The following SPEG variants were observed in gnomAD, a reference collection of about 807,000 sequenced individuals.
SPEG encodes striated muscle preferentially expressed protein kinase.
Under a neutral mutation model 300.4 loss-of-function variants are expected in SPEG, and 114 were observed. That is an observed-to-expected ratio of 0.38 (90% CI 0.33 to 0.44). SPEG has a LOEUF of 0.44. SPEG is among the 20% of genes least tolerant of loss of function. The probability of loss-of-function intolerance (pLI) is 1.00; values close to 1 mark genes in which losing one functional copy is unlikely to be tolerated. For missense variants in SPEG, 4,201 were observed against 4,586.2 expected, an observed-to-expected ratio of 0.92 and a Z score of 2.43; for synonymous variants, 1,964 against 2,018.9, an observed-to-expected ratio of 0.97 and a Z score of 0.73.
intron 1 of SPEG, chr2:219,442,047 C>T (rs1443885450): frequency 8.5e-6 from 10 of 1,179,230 alleles, no homozygotes; most frequent in African/African-American, 1.6e-5. Flanking sequence ...CCCCCTCCCC[C>T]GCCATGAAGA....
rs768969009 is a variant in SPEG at position 219,444,100 on chromosome 2, C to G, written c.389-553C>G. 6.0e-6 allele frequency: 8 copies of G among 1,333,246 alleles called. No individual in the cohort carries two copies. The South Asian group carries it at 8.3e-5, about 14-fold the overall frequency. 82.6% of individuals were successfully genotyped at this position (1,333,246 alleles called of 1,614,324 possible). The stretch of plus-strand genomic sequence containing the variant: ...CTGCTCTAGCCCCCCGCATCCCCCC[C>G]TTTCCCACCCGGCCCCGGCCTCTCC... On this transcript the variant is annotated intron_variant, in intron 1 of 40. Coordinates refer to ENST00000312358, the MANE Select transcript of SPEG (RefSeq NM_005876.5). The surrounding 1 kb of genome is among the most constrained non-coding windows in gnomAD (Gnocchi z 7.8).
intron 6 of SPEG, among the ~76,000 whole-genome samples, chr2:219,453,870 C>T (rs1456288033): frequency 1.3e-5 from 2 of 152,136 alleles, no homozygotes; most frequent in Non-Finnish European, 2.9e-5. Context: ...GTGGGTGGAA[C>T]CTGGGGATGG....
At chr2:219,466,494 G>T in intron 9 of SPEG, 1 of 1,131,476 alleles carries the variant, frequency 8.8e-7, no homozygotes. Context: ...GAGTGGGAGA[G>T]ATTACGGCAT....
rs1954809287 is a variant in SPEG, at chr2:219,439,760, C to T, written c.388+4395C>T. ...AGAATCCTGCCGGCCCCTCCTGGGC[C>T]CAGCTGTCCCGTCACTCACGCCCGC... On this transcript the variant is annotated intron_variant, in intron 1 of 40. Transcript: ENST00000312358. The surrounding 1 kb of genome is among the most constrained non-coding windows in gnomAD (Gnocchi z 4.5). 6.6e-6 allele frequency among the ~76,000 whole-genome samples: 1 copy of T among 152,274 alleles called. No homozygotes were observed. The highest frequency in any genetic ancestry group is 2.4e-5 in the African/African-American group (1 of 41,558).
At chr2:219,437,586 A>C (rs1191890195) in intron 1 of SPEG, among the ~76,000 whole-genome samples, 2 of 152,024 alleles carry the variant, frequency 1.3e-5, no homozygotes, top group Non-Finnish European at 2.9e-5. Flanking sequence ...GCAGCAAATA[A>C]CCTTTGAGAA....
In SPEG at chr2:219,493,022, G is replaced by A. The variant is rs1219695355; in HGVS notation, c.*236G>A. 3 of 699,428 alleles carry A rather than the reference G, an allele frequency of 4.3e-6. No individual in the cohort carries two copies. Among genetic ancestry groups the A allele is most frequent in the African/African-American group, 1.7e-5 (1 of 57,320 alleles). 43.3% of individuals were successfully genotyped at this position (699,428 alleles called of 1,614,324 possible). On this transcript the variant is annotated 3_prime_UTR_variant, in exon 41 of 41. Coordinates refer to ENST00000312358, the MANE Select transcript of SPEG (RefSeq NM_005876.5). ...ACCCATTGGTCAGGCTCAGCAGGGT[G>A]GGAACAGGCAGAGGGACAAGAGGGG...
Position 219,444,764 on chromosome 2 carries a change from A to T in SPEG, c.478+22A>T. The stretch of plus-strand genomic sequence containing the variant: ...ACGGGTGAGCTCCTGGGGTGTACAA[A>T]GAGCAGGCAGGCGGGTTTTCCATAA... On this transcript the variant is annotated intron_variant, in intron 2 of 40. Transcript: ENST00000312358. The surrounding 1 kb of genome is among the most constrained non-coding windows in gnomAD (Gnocchi z 7.8). 6.2e-7 allele frequency: 1 copy of T among 1,613,230 alleles called. No individual in the cohort carries two copies. Among genetic ancestry groups the T allele is most frequent in the South Asian group, 1.1e-5 (1 of 91,018 alleles).
chr2:219,441,165 G>A (rs1328662097), intron 1 of SPEG, among the ~76,000 whole-genome samples: 2 of 152,212 alleles, frequency 1.3e-5, no homozygotes, highest in Non-Finnish European at 2.9e-5. Flanking sequence ...TTTTGTGTAT[G>A]CAAAGTGTGC....
At chr2:219,466,230 G>A in intron 9 of SPEG, 1 of 1,448,432 alleles carries the variant, frequency 6.9e-7, no homozygotes, top group Admixed American at 2.6e-5. Context: ...CCCCCAGGGG[G>A]ATAGCCCATG....
At chr2:219,454,156 C>T (rs1689989790) in intron 6 of SPEG, among the ~76,000 whole-genome samples, 1 of 152,206 alleles carries the variant, frequency 6.6e-6, no homozygotes, top group Non-Finnish European at 1.5e-5. Context: ...CCAACAGGGC[C>T]TGCTTTTGAG....
At chr2:219,463,711 T>C (rs1690972626) in intron 8 of SPEG, among the ~76,000 whole-genome samples, 1 of 151,486 alleles carries the variant, frequency 6.6e-6, no homozygotes, top group Non-Finnish European at 1.5e-5. Context: ...CAGCCCCCAC[T>C]GTGATTTTTT....
Position 219,464,906 on chromosome 2 carries a change from G to A in SPEG, c.2881+298G>A, listed in dbSNP as rs988308779. On this transcript the variant is annotated intron_variant, in intron 9 of 40. Transcript: ENST00000312358. This position sits in a 1 kb window ranked among gnomAD's most constrained non-coding sequence, Gnocchi z 4.5. ...AGACCCTGCACCTGCCACTGGCCAA[G>A]CTCTCTCTACACTCTTCTGAGCCTT... is the stretch of plus-strand genomic sequence containing the variant. The A allele has an allele frequency of 7.7e-6, 3 of 388,864 alleles. No individual in the cohort carries two copies. Among genetic ancestry groups the A allele is most frequent in the African/African-American group, 6.2e-5 (3 of 48,624 alleles). The allele number at this position is 388,864 out of a possible 1,614,324, so 24.1% of individuals were successfully genotyped here. A position where few individuals can be genotyped will look rare whatever the true frequency, so the allele number is the denominator to read the frequency against.
At position 219,490,721 on chromosome 2, in the gene SPEG, C is replaced by T. The variant is rs376081911; in HGVS notation, c.9162-12C>T. ...GGGCCGGGTATCATCTGCTCCATCC[C>T]TGCCCTCCCAGGTTCCGGTATTCTG... On this transcript the variant is annotated splice_polypyrimidine_tract_variant and intron_variant, in intron 37 of 40. Transcript: ENST00000312358. The T allele has an allele frequency of 1.8e-4, 294 of 1,613,838 alleles. No individual in the cohort carries two copies. In the African/African-American group the frequency reaches 3.1e-3, roughly 17 times the overall value.
chr2:219,489,452 C>G lies in SPEG; in HGVS notation c.8434C>G (p.Pro2812Ala). Residue 2812 changes from proline to alanine, a missense_variant, in exon 36 of 41, where the codon CCC becomes GCC. Pro to Ala is a conservative substitution (Grantham distance 27). Around this residue, in one of 4 missense-constraint regions of SPEG, gnomAD observed 1,578 missense variants for 1,506.0 expected, o/e 1.05. Transcript: ENST00000312358. ...SLAPPLAPAAPTPPSVTVSPS... is the reference protein window; with the variant it reads ...SLAPPLAPAAATPPSVTVSPS... ...GGCCCCACCCCTAGCTCCTGCTGCC[C>G]CCACACCCCCGTCAGTCACTGTCAG... is the stretch of plus-strand genomic sequence containing the variant. The G allele has an allele frequency of 6.2e-7, 1 of 1,612,528 alleles. No individual in the cohort carries two copies. Among genetic ancestry groups the G allele is most frequent in the Non-Finnish European group, 8.5e-7 (1 of 1,179,310 alleles).
rs763714914 is a variant in SPEG, at chr2:219,434,966, C to A, written c.-12C>A. 138 of 1,501,756 alleles carry A rather than the reference C, an allele frequency of 9.2e-5. No homozygotes were observed. The highest frequency in any genetic ancestry group is 1.2e-4 in the Non-Finnish European group (137 of 1,133,296). The allele number at this position is 1,501,756 out of a possible 1,614,324, so 93.0% of individuals were successfully genotyped here. ...CAGTTCCGGCGTCCCCCCAGCCCAGCTCTCAGTGGCCATGCAGAAAGCCCG... is the reference window on the plus strand; with the variant it reads ...CAGTTCCGGCGTCCCCCCAGCCCAGATCTCAGTGGCCATGCAGAAAGCCCG... On this transcript the variant is annotated 5_prime_UTR_variant, in exon 1 of 41. Coordinates refer to ENST00000312358, the MANE Select transcript of SPEG (RefSeq NM_005876.5).
rs1692600837 is a variant in SPEG, at chr2:219,479,116, G to T, written c.5028-28G>T. 2 of 1,609,912 alleles carry T rather than the reference G, an allele frequency of 1.2e-6. No individual in the cohort carries two copies. Among genetic ancestry groups the T allele is most frequent in the African/African-American group, 2.7e-5 (2 of 74,848 alleles). Reference sequence around the variant, plus strand: ...GGCTGGGCCGGGCAGTTGGCACTGGGCACTGTTCTCCTTGATCTGGGATGT... The same window carrying T: ...GGCTGGGCCGGGCAGTTGGCACTGGTCACTGTTCTCCTTGATCTGGGATGT... On this transcript the variant is annotated intron_variant, in intron 22 of 40. Coordinates refer to ENST00000312358, the MANE Select transcript of SPEG (RefSeq NM_005876.5). This position sits in a 1 kb window ranked among gnomAD's most constrained non-coding sequence, Gnocchi z 5.5.
Position 219,483,302 on chromosome 2 carries a change from C to A in SPEG, c.5839C>A (p.Arg1947=). 1.9e-6 allele frequency: 3 copies of A among 1,606,242 alleles called. No homozygotes were observed. The highest frequency in any genetic ancestry group is 1.3e-5 in the African/African-American group (1 of 74,920). The change falls in exon 30 of 41, where the codon CGG becomes AGG. Residue 1947 remains arginine (R), a synonymous_variant. Coordinates refer to ENST00000312358, the MANE Select transcript of SPEG (RefSeq NM_005876.5). ...ACTGCAGCCCGAGTTCTCTGGCTCCCGGGTGTCCCTCACAGACATTCCCAC... is the reference window on the plus strand; with the variant it reads ...ACTGCAGCCCGAGTTCTCTGGCTCCAGGGTGTCCCTCACAGACATTCCCAC... ...RPLQPEFSGS[R]VSLTDIPTED...
rs1689478282 is a variant in SPEG at position 219,448,355 on chromosome 2, C to T, written c.1197C>T (p.Arg399=). The T allele has an allele frequency of 6.3e-7, 1 of 1,583,970 alleles. No individual in the cohort carries two copies. Among genetic ancestry groups the T allele is most frequent in the African/African-American group, 1.4e-5 (1 of 73,764 alleles). The change falls in exon 4 of 41, where the codon CGC becomes CGT. Residue 399 remains arginine (R), a synonymous_variant. Coordinates refer to ENST00000312358, the MANE Select transcript of SPEG (RefSeq NM_005876.5). ...CTAGGCTGGTGCGCGCCGGCTCCCG[C>T]ATCCTGGACAAGCTGCAGTTCTTCG... is the stretch of plus-strand genomic sequence containing the variant. ...RSPRLVRAGS[R]ILDKLQFFEE... is the part of the protein sequence containing the mutation.
intron 1 of SPEG, chr2:219,437,405 G>A (rs557538854): frequency 6.6e-6 from 1 of 152,390 alleles, no homozygotes; most frequent in African/African-American, 2.4e-5. Context: ...CAGCAGCGCT[G>A]AGCCTGGCTG....
Sources: gnomAD v4.1 joint callset for allele counts (sites outside exome capture counted in the v4.1 genomes callset) on GRCh38, gnomAD v4.1.1 for gene constraint, gnomAD v4.1.1 regional missense constraint, Gnocchi (gnomAD v3.1) non-coding constraint, MANE v1.5 for transcripts, NCBI Gene and HGNC (gene_info 2026-07-23, HGNC 2026-07-21) for gene names.